DENND5B: variants seen among roughly 807,000 people sequenced by gnomAD.
DENND5B encodes the protein DENN domain-containing protein 5B.
A neutral mutation model predicts 140.6 loss-of-function variants in DENND5B; 34 were observed. The ratio of observed to expected loss-of-function variants is 0.24; its 90% CI spans 0.18 to 0.32. DENND5B has a LOEUF of 0.32. Ranked by LOEUF, DENND5B falls within the 10% of genes least tolerant of loss-of-function variation. The probability of loss-of-function intolerance (pLI) is 1.00; values close to 1 mark genes in which losing one functional copy is unlikely to be tolerated. For synonymous variants in DENND5B, 551 were observed against 562.1 expected, an observed-to-expected ratio of 0.98 and a Z score of 0.28; for missense variants, 1,142 against 1,560.2, an observed-to-expected ratio of 0.73 and a Z score of 4.52.
intron 18 of DENND5B, 29 bp from the exon 19 acceptor site, chr12:31,392,422 A>C: frequency 6.2e-7 from 1 of 1,608,638 alleles, no homozygotes; most frequent in South Asian, 1.1e-5. Context: ...AGTGCCAAAG[A>C]AAAATCTCCT....
At chr12:31,503,649 T>C (rs1406976246) in intron 1 of DENND5B, among the ~76,000 whole-genome samples, 1 of 152,212 alleles carries the variant, frequency 6.6e-6, no homozygotes, top group Non-Finnish European at 1.5e-5. Context: ...CCAGCTCCTA[T>C]CTTAAGCCTG....
rs708202 is a variant in DENND5B, at chr12:31,385,003, C to T, written c.*2600G>A. ...GTTGGCCAGTCTGGTCTTGAACTCCCGACTGACCTCAGATGAACCACCCGC... is the reference window on the plus strand; with the variant it reads ...GTTGGCCAGTCTGGTCTTGAACTCCTGACTGACCTCAGATGAACCACCCGC... On this transcript the variant is annotated 3_prime_UTR_variant, in exon 21 of 21. Coordinates refer to ENST00000389082, the MANE Select transcript of DENND5B (RefSeq NM_144973.4). The T allele has an allele frequency of 0.93, 140,655 of 151,682 alleles. 65,674 individuals carry two copies. Among genetic ancestry groups the T allele is most frequent in the East Asian group, 0.99 (5,119 of 5,154 alleles). The allele number at this position is 151,682 out of a possible 1,614,324, so 9.4% of individuals were successfully genotyped here. A position where few individuals can be genotyped will look rare whatever the true frequency, so the allele number is the denominator to read the frequency against.
At chr12:31,493,942 G>A (rs988549285) in intron 2 of DENND5B, among the ~76,000 whole-genome samples, 1 of 151,460 alleles carries the variant, frequency 6.6e-6, no homozygotes, top group Non-Finnish European at 1.5e-5. Context: ...CCATTCTTAC[G>A]TATATACCCA....
At chr12:31,443,053 T>TGC in intron 6 of DENND5B, 128 bp from the exon 7 acceptor site, 4 of 822,020 alleles carry the variant, frequency 4.9e-6, no homozygotes, top group Non-Finnish European at 7.4e-6. Context: ...ATTGTGTGTG[T>TGC]GTGTGTGTGT....
chr12:31,420,498 C>A (rs1250683381), intron 11 of DENND5B, among the ~76,000 whole-genome samples: 4 of 150,538 alleles, frequency 2.7e-5, no homozygotes, highest in Non-Finnish European at 5.9e-5. Context: ...AGCTGGAGTG[C>A]AATGGCGTGA....
chr12:31,482,896 T>C (rs75264441), intron 2 of DENND5B, among the ~76,000 whole-genome samples: 3,137 of 152,292 alleles, frequency 0.021, 57 homozygotes, highest in South Asian at 0.052. Flanking sequence ...TGGACTCTTA[T>C]CTCACTAAAA....
chr12:31,418,455 G>T (rs1176285040), intron 11 of DENND5B, among the ~76,000 whole-genome samples: 26 of 144,126 alleles, frequency 1.8e-4, no homozygotes, highest in African/African-American at 6.1e-4. Context: ...ATTTTTGTGT[G>T]TTTTTTTTTT....
chr12:31,534,019 T>C (rs1317174863), intron 1 of DENND5B, among the ~76,000 whole-genome samples: 1 of 152,148 alleles, frequency 6.6e-6, no homozygotes, highest in African/African-American at 2.4e-5. Flanking sequence ...AGACTTAAAT[T>C]TTGAGTTACC....
chr12:31,411,239 C>T (rs1357947916), intron 13 of DENND5B, among the ~76,000 whole-genome samples: 5 of 150,914 alleles, frequency 3.3e-5, no homozygotes, highest in East Asian at 2.0e-4. Flanking sequence ...GGTTTCTCTA[C>T]GTTGGTCAGG....
chr12:31,495,781 G>T, intron 2 of DENND5B, 29 bp downstream of exon 2: 1 of 1,479,860 alleles, frequency 6.8e-7, no homozygotes, highest in Non-Finnish European at 9.2e-7. Context: ...CAAGGCTAAA[G>T]AGTAAATGAG....
chr12:31,570,122 G>A (rs1293769187), intron 1 of DENND5B, among the ~76,000 whole-genome samples: 1 of 147,334 alleles, frequency 6.8e-6, no homozygotes, highest in African/African-American at 2.5e-5. Flanking sequence ...TGGAACCCGG[G>A]AGGTGGAGGT....
At chr12:31,558,441 T>C (rs944657358) in intron 1 of DENND5B, among the ~76,000 whole-genome samples, 3 of 152,214 alleles carry the variant, frequency 2.0e-5, no homozygotes, top group African/African-American at 7.2e-5. Context: ...CAGAAACATG[T>C]AGACCTCCAG....
intron 1 of DENND5B, among the ~76,000 whole-genome samples, chr12:31,565,242 A>G (rs1368116008): frequency 6.6e-6 from 1 of 152,124 alleles, no homozygotes; most frequent in African/African-American, 2.4e-5. Context: ...AAAAATAAAA[A>G]AACCAGCTAG....
rs1252831978 is a variant in DENND5B at position 31,591,074 on chromosome 12, A to G, written c.-242T>C. On this transcript the variant is annotated 5_prime_UTR_variant, in exon 1 of 21. Coordinates refer to ENST00000389082, the MANE Select transcript of DENND5B (RefSeq NM_144973.4). The stretch of plus-strand genomic sequence containing the variant: ...CCGGGTGGGGGAGGGGCGCGGGGGG[A>G]GTGTCGGCCTGAGAGGCCCTCGCAG... 1.1e-5 allele frequency: 2 copies of G among 177,194 alleles called. No homozygotes were observed. Among genetic ancestry groups the G allele is most frequent in the African/African-American group, 5.0e-5 (2 of 39,710 alleles). The allele number at this position is 177,194 out of a possible 1,614,324, so 11.0% of individuals were successfully genotyped here.
At chr12:31,584,543 T>C (rs968322595) in intron 1 of DENND5B, among the ~76,000 whole-genome samples, 2 of 152,234 alleles carry the variant, frequency 1.3e-5, no homozygotes, top group Admixed American at 6.5e-5. Flanking sequence ...CCAGGCATGG[T>C]GGCTCACTGC....
At chr12:31,494,136 T>C (rs531887669) in intron 2 of DENND5B, among the ~76,000 whole-genome samples, 35 of 148,798 alleles carry the variant, frequency 2.4e-4, no homozygotes, top group Non-Finnish European at 5.1e-4. Context: ...TATCTCTCTA[T>C]CTTCTATCTA....
chr12:31,523,219 T>G (rs547389651), intron 1 of DENND5B, among the ~76,000 whole-genome samples: 1 of 152,054 alleles, frequency 6.6e-6, no homozygotes, highest in African/African-American at 2.4e-5. Flanking sequence ...CCACCACACC[T>G]GCCTGGCTAA....
intron 8 of DENND5B, among the ~76,000 whole-genome samples, chr12:31,428,546 C>T (rs936110325): frequency 6.6e-6 from 1 of 151,106 alleles, no homozygotes; most frequent in East Asian, 2.0e-4. Context: ...GGATTACAGG[C>T]ACGCGCCACC....
At chr12:31,583,308 A>AAGAG (rs58081768) in intron 1 of DENND5B, among the ~76,000 whole-genome samples, 73 of 145,486 alleles carry the variant, frequency 5.0e-4, no homozygotes, top group Admixed American at 1.0e-3. Flanking sequence ...AAAAAAAAAA[A>AAGAG]AGAGAGAGAG....
Sources: allele counts gnomAD v4.1 joint callset (sites outside exome capture counted in the v4.1 genomes callset), GRCh38; gene constraint gnomAD v4.1.1; transcripts MANE v1.5; gene names NCBI Gene and HGNC (gene_info 2026-07-23, HGNC 2026-07-21).